Variants in TIPIN observed in about 807,000 individuals in gnomAD.
TIPIN encodes TIMELESS interacting protein.
TIPIN carries 29 observed loss-of-function variants against 35.6 expected under a neutral mutation model. That is an observed-to-expected ratio of 0.82 (90% confidence interval 0.61 to 1.11). The LOEUF is 1.11. TIPIN is among the 50% of genes most tolerant of loss of function. The pLI, the probability that TIPIN is intolerant of heterozygous loss-of-function variation, is 0.00. For missense variants in TIPIN, 296 were observed against 345.4 expected (o/e 0.86, Z 1.13); for synonymous variants, 102 against 121.5 (o/e 0.84, Z 1.06).
chr15:66,344,602 G>A (rs1243651780), intron 6 of TIPIN, among the ~76,000 whole-genome samples: 4 of 150,376 alleles, frequency 2.7e-5, no homozygotes, highest in African/African-American at 9.8e-5. Context: ...TATAATCCCA[G>A]CACTTTGGGA....
chr15:66,359,087 G>A (rs924560689), upstream of TIPIN, among the ~76,000 whole-genome samples: 10 of 150,442 alleles, frequency 6.6e-5, no homozygotes, highest in East Asian at 1.8e-3. Flanking sequence ...CGGATGTCGA[G>A]GCTGCAGTGA....
chr15:66,348,693 C>CA (rs1314927149), intron 6 of TIPIN, among the ~76,000 whole-genome samples: 70 of 135,576 alleles, frequency 5.2e-4, no homozygotes, highest in Non-Finnish European at 5.7e-4. Context: ...GACTCCAGCT[C>CA]AAAAAAAAAA....
At chr15:66,370,947 A>G (rs2093275551) in intron 1 of TIPIN, among the ~76,000 whole-genome samples, 2 of 152,220 alleles carry the variant, frequency 1.3e-5, no homozygotes, top group African/African-American at 4.8e-5. Flanking sequence ...GCGGTGGCTC[A>G]CACGTGTAAT....
At chr15:66,377,999 C>A (rs2093303851) in intron 1 of TIPIN, among the ~76,000 whole-genome samples, 1 of 151,950 alleles carries the variant, frequency 6.6e-6, no homozygotes, top group Admixed American at 6.6e-5. Context: ...GTGCACACCA[C>A]CATGCCCAGC....
At chr15:66,361,220 C>T (rs1452339997), upstream of TIPIN, among the ~76,000 whole-genome samples, 1 of 150,498 alleles carries the variant, frequency 6.6e-6, no homozygotes, top group African/African-American at 2.4e-5. Context: ...CCAAGTATTC[C>T]TTATTCTCTT....
upstream of TIPIN, among the ~76,000 whole-genome samples, chr15:66,360,036 G>T (rs1382467339): frequency 1.3e-5 from 2 of 152,018 alleles, no homozygotes; most frequent in African/African-American, 4.8e-5. Context: ...GCCTCCCAAA[G>T]TCCTGGGATT....
chr15:66,350,006 A>G (rs373414487), intron 4 of TIPIN, among the ~76,000 whole-genome samples: 7 of 152,134 alleles, frequency 4.6e-5, no homozygotes, highest in Admixed American at 2.0e-4. Context: ...TTCTTACCCA[A>G]GCTGAAGTGC....
At chr15:66,355,873 C>T (rs2093201226) in intron 1 of TIPIN, among the ~76,000 whole-genome samples, 2 of 152,018 alleles carry the variant, frequency 1.3e-5, no homozygotes, top group South Asian at 4.1e-4. Flanking sequence ...GATGACAGTA[C>T]CTAAAATATA....
At chr15:66,356,528 T>C in intron 1 of TIPIN, 111 bp downstream of exon 1, 1 of 868,986 alleles carries the variant, frequency 1.2e-6, no homozygotes, top group Non-Finnish European at 1.4e-6. Flanking sequence ...CTGCGACAAT[T>C]AGGCTTTCCC....
intron 1 of TIPIN, among the ~76,000 whole-genome samples, chr15:66,376,436 GTT>G (rs1290771650): frequency 6.7e-6 from 1 of 149,236 alleles, no homozygotes; most frequent in Non-Finnish European, 1.5e-5. Context: ...CTTTTTTTTT[GTT>G]TTTGTTTTTG....
At chr15:66,366,139 G>C (rs1027067713) in intron 1 of TIPIN, among the ~76,000 whole-genome samples, 7 of 149,900 alleles carry the variant, frequency 4.7e-5, no homozygotes, top group African/African-American at 1.8e-4. Context: ...ATTTAGGAGA[G>C]TTAGAGTCCC....
upstream of TIPIN, among the ~76,000 whole-genome samples, chr15:66,357,517 T>A (rs1431035137): frequency 7.7e-6 from 1 of 129,114 alleles, no homozygotes; most frequent in Non-Finnish European, 1.6e-5. Flanking sequence ...GCCCAGAAGT[T>A]GAAGGCGGCA....
chr15:66,356,233 A>G (rs1480106644), intron 1 of TIPIN, among the ~76,000 whole-genome samples: 1 of 151,946 alleles, frequency 6.6e-6, no homozygotes, highest in Non-Finnish European at 1.5e-5. Context: ...CCATCCCTGA[A>G]ACATCGAACC....
chr15:66,356,576 C>G, intron 1 of TIPIN, 63 bp downstream of exon 1: 1 of 981,336 alleles, frequency 1.0e-6, no homozygotes, highest in Non-Finnish European at 1.2e-6. Context: ...CCATCTGGCT[C>G]CCTGGCTAGT....
intron 6 of TIPIN, among the ~76,000 whole-genome samples, chr15:66,345,530 C>T (rs1165259608): frequency 3.9e-5 from 6 of 152,210 alleles, no homozygotes; most frequent in Non-Finnish European, 5.9e-5. Context: ...GCCTGGCCAA[C>T]GTGATGAAAC....
intron 6 of TIPIN, among the ~76,000 whole-genome samples, chr15:66,342,373 T>A (rs1175568696): frequency 1.3e-5 from 2 of 152,178 alleles, no homozygotes; most frequent in Non-Finnish European, 2.9e-5. Context: ...CATTTTATTT[T>A]ATTTTTTGAG....
chr15:66,337,141 C>T lies in TIPIN; in HGVS notation c.723G>A (p.Glu241=). The change falls in exon 8 of 8, where the codon GAG becomes GAA. Residue 241 remains glutamate (E), a synonymous_variant. Transcript: ENST00000261881. ...MNTPRAHTVE[E]VNTDEDQKEE... ...CCTTTTGATCCTCATCAGTATTAAC[C>T]TCTTCAACCGTGTGTGCCCTGGGTG... The T allele has an allele frequency of 6.2e-7, 1 of 1,613,872 alleles. No homozygotes were observed. The highest frequency in any genetic ancestry group is 1.1e-5 in the South Asian group (1 of 91,062).
intron 1 of TIPIN, among the ~76,000 whole-genome samples, chr15:66,381,528 A>C (rs1387742972): frequency 6.6e-6 from 1 of 152,152 alleles, no homozygotes; most frequent in Non-Finnish European, 1.5e-5. Context: ...ATTTCTAGAA[A>C]TGAAAGTCTT....
At position 66,382,451 on chromosome 15, in the gene TIPIN, C is replaced by A. The variant is rs140907079; in HGVS notation, c.-9+4156G>T. On this transcript the variant is annotated intron_variant, in intron 1 of 7. Transcript: ENST00000562124. ...CAGGCTGGTGTGCAAGATCATGGCT[C>A]ACTGCAGCCTTGACTTCGGCTCAAG... 5.7e-6 allele frequency: 5 copies of A among 883,732 alleles called. No individual in the cohort carries two copies. In the Admixed American group the frequency reaches 3.1e-4, roughly 55 times the overall value. 54.7% of individuals were successfully genotyped at this position (883,732 alleles called of 1,614,324 possible). A position where few individuals can be genotyped will look rare whatever the true frequency, so the allele number is the denominator to read the frequency against.
Sources: gnomAD v4.1 joint callset for allele counts (sites outside exome capture counted in the v4.1 genomes callset) on GRCh38, gnomAD v4.1.1 for gene constraint, MANE v1.5 for transcripts, NCBI Gene and HGNC (gene_info 2026-07-23, HGNC 2026-07-21) for gene names.